The following GINS1 variants were observed in gnomAD, a reference collection of about 807,000 sequenced individuals.
The protein encoded by GINS1 is DNA replication complex GINS protein PSF1.
Under a neutral mutation model 34.9 loss-of-function variants are expected in GINS1, and 26 were observed. The observed-to-expected ratio is 0.74, with a 90% confidence interval of 0.55 to 1.03. GINS1 has a LOEUF of 1.03. GINS1 is among the 50% of genes least tolerant of loss of function. The pLI is 0.00. For synonymous variants in GINS1, 97 were observed against 84.4 expected, an observed-to-expected ratio of 1.15 and a Z score of -0.82; for missense variants, 235 against 237.9, an observed-to-expected ratio of 0.99 and a Z score of 0.08.
rs773119359 is a variant in GINS1 at position 25,407,689 on chromosome 20, C to G, written c.-132C>G. ...GCTAGCTTTGTTCGGCGCCAAAGCGCGGAGCGGAGGCCGAGGCGAGAGCCT... is the reference window on the plus strand; with the variant it reads ...GCTAGCTTTGTTCGGCGCCAAAGCGGGGAGCGGAGGCCGAGGCGAGAGCCT... On this transcript the variant is annotated 5_prime_UTR_variant, in exon 1 of 7. Transcript: ENST00000262460. 9 of 730,884 alleles carry G rather than the reference C, an allele frequency of 1.2e-5. No individual in the cohort carries two copies. The highest frequency in any genetic ancestry group is 1.9e-5 in the Non-Finnish European group (8 of 425,504). 45.3% of individuals were successfully genotyped at this position (730,884 alleles called of 1,614,324 possible). A position where few individuals can be genotyped will look rare whatever the true frequency, so the allele number is the denominator to read the frequency against.
chr20:25,409,884 A>G lies in GINS1; in HGVS notation c.75+1989A>G, dbSNP rs1356254984. On this transcript the variant is annotated intron_variant, in intron 1 of 6. Transcript: ENST00000262460. ...AACTAGGAACTTTAGAGGTCATTGT[A>G]CATATCAGGACACAGGCCTAGAGAA... Among the ~76,000 whole-genome samples the G allele has an allele frequency of 2.0e-5, 3 of 152,240 alleles. No individual in the cohort carries two copies. In the East Asian group the frequency reaches 5.8e-4, roughly 29 times the overall value.
chr20:25,448,124 C>G lies in GINS1; in HGVS notation c.*2133C>G, dbSNP rs1171311994. On this transcript the variant is annotated 3_prime_UTR_variant, in exon 7 of 7. Transcript: ENST00000262460. ...CCAGCCTGGGTGACAAAGTGAGACT[C>G]TATCTCAAAAAGAAATTAGGATCAA... The G allele has an allele frequency of 6.6e-6, 1 of 152,152 alleles. No homozygotes were observed. Among genetic ancestry groups the G allele is most frequent in the Non-Finnish European group, 1.5e-5 (1 of 68,044 alleles). The allele number at this position is 152,152 out of a possible 1,614,324, so 9.4% of individuals were successfully genotyped here.
At chr20:25,435,172 T>A (rs1006518553) in intron 5 of GINS1, among the ~76,000 whole-genome samples, 2 of 152,230 alleles carry the variant, frequency 1.3e-5, no homozygotes, top group Admixed American at 6.5e-5. Flanking sequence ...GTTGGTGATG[T>A]TGTTCTTTTA....
At chr20:25,441,963 A>G (rs1039983035) in intron 6 of GINS1, among the ~76,000 whole-genome samples, 187 bp downstream of exon 6, 2 of 152,188 alleles carry the variant, frequency 1.3e-5, no homozygotes, top group African/African-American at 4.8e-5. Context: ...TGCATATAAT[A>G]AAAGATTCAT....
chr20:25,412,266 C>T (rs1210223461), intron 1 of GINS1, among the ~76,000 whole-genome samples: 1 of 152,024 alleles, frequency 6.6e-6, no homozygotes, highest in African/African-American at 2.4e-5. Context: ...TTTAAGATCA[C>T]TTTTAAGCTG....
chr20:25,409,544 G>A (rs1319724453), intron 1 of GINS1, among the ~76,000 whole-genome samples: 3 of 152,206 alleles, frequency 2.0e-5, no homozygotes, highest in African/African-American at 7.2e-5. Flanking sequence ...CAACATCAGA[G>A]TTCAGGAGAT....
Position 25,413,853 on chromosome 20 carries a change from G to A in GINS1, c.139G>A (p.Val47Met). The part of the protein sequence containing the change: ...KALYEQNQSD[V>M]NEAKSGGRSD... ...TTTGTATGAACAAAACCAGTCTGAT[G>A]TGTAAGTTTCATAAGATGATATTCT... Residue 47 changes from valine (V) to methionine (M), a missense_variant and splice_region_variant, in exon 2 of 7, where the codon GTG (valine) becomes ATG (methionine). Val to Met is a conservative substitution (Grantham distance 21). Transcript: ENST00000262460. 6.6e-7 allele frequency: 1 copy of A among 1,516,542 alleles called. No homozygotes were observed. The highest frequency in any genetic ancestry group is 9.2e-7 in the Non-Finnish European group (1 of 1,090,868). 93.9% of individuals were successfully genotyped at this position (1,516,542 alleles called of 1,614,324 possible). A position where few individuals can be genotyped will look rare whatever the true frequency, so the allele number is the denominator to read the frequency against.
At position 25,447,744 on chromosome 20, in the gene GINS1, G is replaced by T. The variant is rs1373738967; in HGVS notation, c.*1753G>T. 3.3e-5 allele frequency: 5 copies of T among 152,282 alleles called. No homozygotes were observed. Among genetic ancestry groups the T allele is most frequent in the Non-Finnish European group, 5.9e-5 (4 of 68,064 alleles). 9.4% of individuals were successfully genotyped at this position (152,282 alleles called of 1,614,324 possible). Reference sequence around the variant, plus strand: ...TTGCCTCGTCCTCCCCATGTGCTGGGATTACAGGCGTGAGCCTTGGTGCTG... The same window carrying T: ...TTGCCTCGTCCTCCCCATGTGCTGGTATTACAGGCGTGAGCCTTGGTGCTG... On this transcript the variant is annotated 3_prime_UTR_variant, in exon 7 of 7. Transcript: ENST00000262460.
intron 1 of GINS1, among the ~76,000 whole-genome samples, chr20:25,413,056 A>ATTTTTTTTTTTTTTTTTTTT (rs753937496): frequency 7.4e-6 from 1 of 135,956 alleles, no homozygotes. Flanking sequence ...TCAGTAGTTC[A>ATTTTTTTTTTTTTTTTTTTT]TTTTTTTTTT....
chr20:25,407,951 G>A, intron 1 of GINS1, 56 bp downstream of exon 1: 2 of 1,300,750 alleles, frequency 1.5e-6, no homozygotes, highest in Non-Finnish European at 2.2e-6. Flanking sequence ...TGGGCTCTGG[G>A]GCGGGGCGGC....
chr20:25,439,764 C>T (rs1472540222), intron 5 of GINS1, among the ~76,000 whole-genome samples: 1 of 151,862 alleles, frequency 6.6e-6, no homozygotes, highest in Non-Finnish European at 1.5e-5. Context: ...TGGGAAGCTG[C>T]AGGTGGATCA....
intron 1 of GINS1, chr20:25,413,368 G>T (rs2090298987): frequency 6.4e-6 from 1 of 156,634 alleles, no homozygotes; most frequent in Non-Finnish European, 1.4e-5. Context: ...TATTATATTA[G>T]ATTTTTCAGA....
intron 5 of GINS1, among the ~76,000 whole-genome samples, chr20:25,438,627 T>G (rs1443970630): frequency 6.6e-6 from 1 of 151,192 alleles, no homozygotes; most frequent in Non-Finnish European, 1.5e-5. Context: ...TCAGCTATTT[T>G]AGTGCAAGGA....
chr20:25,418,514 C>G (rs1040393852), intron 4 of GINS1, among the ~76,000 whole-genome samples: 1 of 152,104 alleles, frequency 6.6e-6, no homozygotes, highest in African/African-American at 2.4e-5. Flanking sequence ...ATATACTTTC[C>G]TAATCAAAAT....
chr20:25,412,889 C>A (rs1363821801), intron 1 of GINS1, among the ~76,000 whole-genome samples: 1 of 152,166 alleles, frequency 6.6e-6, no homozygotes, highest in Non-Finnish European at 1.5e-5. Flanking sequence ...CCTTAGGCAA[C>A]CATGAATTTG....
chr20:25,435,739 C>A (rs6115183), intron 5 of GINS1, among the ~76,000 whole-genome samples: 4 of 127,454 alleles, frequency 3.1e-5, no homozygotes, highest in Non-Finnish European at 6.4e-5. Flanking sequence ...CACTCCAGCA[C>A]GGGCAACAGA....
chr20:25,427,974 C>T (rs574006132), intron 5 of GINS1, among the ~76,000 whole-genome samples: 14 of 148,780 alleles, frequency 9.4e-5, no homozygotes, highest in African/African-American at 2.7e-4. Context: ...TGGGTTCAAG[C>T]GATTCTCCTG....
intron 5 of GINS1, among the ~76,000 whole-genome samples, chr20:25,429,339 T>C (rs189992517): frequency 1.4e-4 from 21 of 152,124 alleles, no homozygotes; most frequent in South Asian, 4.1e-4. Flanking sequence ...TTATATGGAT[T>C]GTGGGATGGG....
chr20:25,407,923 C>CATGCCGGCGT (rs1347535981), intron 1 of GINS1, 28 bp downstream of exon 1: 1 of 1,572,656 alleles, frequency 6.4e-7, no homozygotes, highest in East Asian at 2.2e-5. Context: ...TTGGACGGGG[C>CATGCCGGCGT]ATGCCGGCGT....
Sources: gnomAD v4.1 joint callset for allele counts (sites outside exome capture counted in the v4.1 genomes callset) on GRCh38, gnomAD v4.1.1 for gene constraint, MANE v1.5 for transcripts, NCBI Gene and HGNC (gene_info 2026-07-23, HGNC 2026-07-21) for gene names.